The following PSTPIP2 variants were observed in gnomAD, a reference collection of about 807,000 sequenced individuals.
The protein encoded by PSTPIP2 is proline-serine-threonine phosphatase interacting protein 2, also known as proline-serine-threonine phosphatase-interacting protein 2.
In PSTPIP2, 33 loss-of-function variants were observed where a neutral mutation model predicts 63.3. That is an observed-to-expected ratio of 0.52 (90% CI 0.40 to 0.70). The LOEUF (loss-of-function observed/expected upper bound fraction) is 0.70, where lower values mean the gene tolerates loss of function less well. Among genes scored for constraint, PSTPIP2 ranks in the 30% least tolerant of loss-of-function variants. The probability of loss-of-function intolerance (pLI) is 0.00; values close to 1 mark genes in which losing one functional copy is unlikely to be tolerated. For missense variants in PSTPIP2, 312 were observed against 400.7 expected (o/e 0.78, Z 1.89); for synonymous variants, 125 against 132.7 (o/e 0.94, Z 0.40).
At chr18:46,041,781 G>A (rs1224938536) in intron 1 of PSTPIP2, among the ~76,000 whole-genome samples, 1 of 152,116 alleles carries the variant, frequency 6.6e-6, no homozygotes, top group East Asian at 1.9e-4. Context: ...TCAGACTATA[G>A]TCCCTAAGAG....
intron 1 of PSTPIP2, among the ~76,000 whole-genome samples, chr18:46,065,972 A>G (rs1399453261): frequency 6.6e-6 from 1 of 152,234 alleles, no homozygotes; most frequent in Non-Finnish European, 1.5e-5. Flanking sequence ...ATAATTATGC[A>G]TGGAGGAAAA....
chr18:46,037,088 G>A (rs919550483), intron 2 of PSTPIP2, among the ~76,000 whole-genome samples: 3 of 152,110 alleles, frequency 2.0e-5, no homozygotes, highest in African/African-American at 7.2e-5. Flanking sequence ...ATTTGTGTGT[G>A]TTTGCCTCTT....
intron 1 of PSTPIP2, among the ~76,000 whole-genome samples, chr18:46,066,767 C>A (rs563941178): frequency 6.6e-6 from 1 of 152,284 alleles, no homozygotes; most frequent in Non-Finnish European, 1.5e-5. Context: ...CGGTGGCTCA[C>A]GCCTGTAATC....
chr18:46,033,553 C>T lies in PSTPIP2; in HGVS notation c.134+6394G>A, dbSNP rs1907856825. On this transcript the variant is annotated intron_variant, in intron 2 of 14. Coordinates refer to ENST00000409746, the MANE Select transcript of PSTPIP2 (RefSeq NM_024430.4). ...TCTCTACTAAAAGTACAAAAATTAG[C>T]TGGGTGTAGTGGTGCACGTCTGTAG... is the stretch of plus-strand genomic sequence containing the variant. Among the ~76,000 whole-genome samples the T allele has an allele frequency of 3.3e-5, 5 of 152,012 alleles. 1 individual carries two copies. Among genetic ancestry groups the T allele is most frequent in the South Asian group, 4.1e-4 (2 of 4,820 alleles).
chr18:46,029,056 C>T, intron 2 of PSTPIP2: 1 of 797,360 alleles, frequency 1.3e-6, no homozygotes, highest in Non-Finnish European at 2.2e-6. Flanking sequence ...GATGGAAGAA[C>T]AAATCCTAAA....
intron 2 of PSTPIP2, among the ~76,000 whole-genome samples, chr18:46,038,380 G>A (rs1908059918): frequency 6.6e-6 from 1 of 152,114 alleles, no homozygotes; most frequent in South Asian, 2.1e-4. Flanking sequence ...ACCCTTGGAT[G>A]GCCCCCCAGG....
intron 14 of PSTPIP2, among the ~76,000 whole-genome samples, chr18:45,986,453 G>A (rs1192045925): frequency 1.3e-5 from 2 of 152,158 alleles, no homozygotes; most frequent in African/African-American, 2.4e-5. Context: ...AAACAAGTAA[G>A]AACAGAAAAG....
chr18:46,005,064 A>G (rs117078665), intron 6 of PSTPIP2, among the ~76,000 whole-genome samples: 4,890 of 152,336 alleles, frequency 0.032, 98 homozygotes, highest in Non-Finnish European at 0.038. Context: ...TTGAGGAAAC[A>G]TGGATAGAAC....
intron 1 of PSTPIP2, among the ~76,000 whole-genome samples, chr18:46,042,539 GA>G (rs1185222105): frequency 1.3e-5 from 2 of 151,978 alleles, no homozygotes; most frequent in African/African-American, 4.8e-5. Context: ...TTCAAGTTTT[GA>G]ACTACCCCTG....
chr18:46,022,518 G>C (rs1157558147), intron 3 of PSTPIP2, among the ~76,000 whole-genome samples: 1 of 152,150 alleles, frequency 6.6e-6, no homozygotes, highest in Admixed American at 6.5e-5. Flanking sequence ...GTTGGGGAAG[G>C]AATCTAGAAA....
At chr18:46,025,670 T>G (rs1025995206) in intron 2 of PSTPIP2, among the ~76,000 whole-genome samples, 10 of 147,846 alleles carry the variant, frequency 6.8e-5, no homozygotes, top group African/African-American at 2.5e-4. Context: ...TTATTTCCAG[T>G]TTTCACTACC....
At chr18:46,045,716 T>C (rs940000728) in intron 1 of PSTPIP2, among the ~76,000 whole-genome samples, 16 of 151,780 alleles carry the variant, frequency 1.1e-4, no homozygotes, top group Admixed American at 9.2e-4. Context: ...GGGCCTAGAA[T>C]AGACAAAAGA....
chr18:46,009,386 A>AC (rs1448020724), intron 5 of PSTPIP2, among the ~76,000 whole-genome samples: 3 of 131,722 alleles, frequency 2.3e-5, no homozygotes, highest in Non-Finnish European at 3.1e-5. Context: ...AAAAAAAAAA[A>AC]AAAAACCTAG....
intron 1 of PSTPIP2, among the ~76,000 whole-genome samples, chr18:46,060,159 ATAT>A (rs974733984): frequency 3.3e-5 from 5 of 152,100 alleles, no homozygotes; most frequent in African/African-American, 1.2e-4. Flanking sequence ...TATCTTTATA[ATAT>A]TATTATATTT....
At chr18:46,050,030 T>C (rs1236949014) in intron 1 of PSTPIP2, among the ~76,000 whole-genome samples, 1 of 152,140 alleles carries the variant, frequency 6.6e-6, no homozygotes, top group Non-Finnish European at 1.5e-5. Flanking sequence ...AAACGAGATA[T>C]AATTTTTCAT....
chr18:46,024,481 C>A, intron 3 of PSTPIP2, 128 bp downstream of exon 3: 1 of 744,650 alleles, frequency 1.3e-6, no homozygotes, highest in South Asian at 1.6e-5. Context: ...ATAGTGAGAT[C>A]CCATCTCCAA....
Position 45,991,952 on chromosome 18 carries a change from G to A in PSTPIP2, c.870C>T (p.Ser290=). Residue 290 remains serine, a synonymous_variant, in exon 12 of 15, where the codon TCC becomes TCT. Coordinates refer to ENST00000409746, the MANE Select transcript of PSTPIP2 (RefSeq NM_024430.4). The part of the protein sequence containing the change: ...APIMYENFYS[S]QKNAVPAGKA... ...TTCCTGCTGGGACTGCATTCTTCTG[G>A]GAGGAGTAGAAATTCTCATACATGA... 6.2e-7 allele frequency: 1 copy of A among 1,613,680 alleles called. No individual in the cohort carries two copies. The highest frequency in any genetic ancestry group is 1.6e-4 in the Middle Eastern group (1 of 6,062).
chr18:46,008,399 C>A (rs187660072), intron 5 of PSTPIP2, among the ~76,000 whole-genome samples: 4 of 106,212 alleles, frequency 3.8e-5, no homozygotes, highest in South Asian at 3.9e-4. Context: ...GCCCACCCCC[C>A]ACCCCGGTTT....
intron 1 of PSTPIP2, among the ~76,000 whole-genome samples, chr18:46,045,413 A>G (rs1908347851): frequency 2.0e-5 from 3 of 152,182 alleles, no homozygotes; most frequent in African/African-American, 7.2e-5. Flanking sequence ...TCGTAAGAAC[A>G]AAAAACCAAA....
Sources: gnomAD v4.1 joint callset for allele counts (sites outside exome capture counted in the v4.1 genomes callset) on GRCh38, gnomAD v4.1.1 for gene constraint, MANE v1.5 for transcripts, NCBI Gene and HGNC (gene_info 2026-07-23, HGNC 2026-07-21) for gene names.